Variants in TBC1D4 observed in about 807,000 individuals in gnomAD.
TBC1D4 encodes the protein TBC1 domain family member 4.
A neutral mutation model predicts 142.5 loss-of-function variants in TBC1D4; 121 were observed. That is an observed-to-expected ratio of 0.85 (90% confidence interval 0.73 to 0.99). TBC1D4 has a LOEUF of 0.99. Ranked by LOEUF, TBC1D4 falls within the 50% of genes least tolerant of loss-of-function variation. TBC1D4 has a pLI of 0.00. For synonymous variants in TBC1D4, 630 were observed against 628.2 expected (o/e 1.00, Z -0.04); for missense variants, 1,475 against 1,606.6 (o/e 0.92, Z 1.40).
rs148652812 is a variant in TBC1D4, at chr13:75,303,963, C to T, written c.2753-1562G>A. Among the ~76,000 whole-genome samples, 257 of 152,318 alleles carry T rather than the reference C, an allele frequency of 1.7e-3. 1 individual carries two copies. The highest frequency in any genetic ancestry group is 5.9e-3 in the African/African-American group (246 of 41,556). ...CCTTTTCTTTTGAAGCTCTCCCTAA[C>T]ATCTCGAGATGTAATCAGTCCCTTT... On this transcript the variant is annotated intron_variant, in intron 15 of 20. Transcript: ENST00000377636.
chr13:75,385,060 T>C lies in TBC1D4; in HGVS notation c.499-22453A>G, dbSNP rs909047798. Among the ~76,000 whole-genome samples, 3 of 152,126 alleles carry C rather than the reference T, an allele frequency of 2.0e-5. No individual in the cohort carries two copies. The East Asian group carries it at 5.8e-4, about 29-fold the overall frequency. Reference sequence around the variant, plus strand: ...AGGAGGAACAAAGAGGAACAAAGCATAGACTGCTCACTGCTCAGCAGCCTG... The same window carrying C: ...AGGAGGAACAAAGAGGAACAAAGCACAGACTGCTCACTGCTCAGCAGCCTG... On this transcript the variant is annotated intron_variant, in intron 1 of 20. Transcript: ENST00000377636.
chr13:75,479,905 G>T (rs1888761845), intron 1 of TBC1D4, among the ~76,000 whole-genome samples: 1 of 152,100 alleles, frequency 6.6e-6, no homozygotes, highest in East Asian at 1.9e-4. Flanking sequence ...ATTGTTGGGT[G>T]CCTGTAATGC....
intron 1 of TBC1D4, among the ~76,000 whole-genome samples, chr13:75,368,189 G>T (rs1363412209): frequency 6.6e-6 from 1 of 152,152 alleles, no homozygotes; most frequent in East Asian, 1.9e-4. Flanking sequence ...GAAAATGATA[G>T]AACTGTAAAA....
intron 1 of TBC1D4, among the ~76,000 whole-genome samples, chr13:75,391,195 TAC>T (rs111629817): frequency 0.027 from 3,869 of 141,980 alleles, 123 homozygotes; most frequent in African/African-American, 0.074. Flanking sequence ...CCCATCAGTT[TAC>T]ACACACACAC....
At chr13:75,337,404 C>T (rs1308482059) in intron 7 of TBC1D4, among the ~76,000 whole-genome samples, 4 of 152,050 alleles carry the variant, frequency 2.6e-5, no homozygotes, top group African/African-American at 9.7e-5. Flanking sequence ...TCCAAATTAC[C>T]AAGAAAAACA....
intron 1 of TBC1D4, among the ~76,000 whole-genome samples, chr13:75,474,430 G>A (rs968860040): frequency 9.2e-5 from 14 of 152,088 alleles, no homozygotes; most frequent in African/African-American, 2.9e-4. Context: ...GTGGTGGCGG[G>A]TGCCTGTAGT....
intron 12 of TBC1D4, among the ~76,000 whole-genome samples, chr13:75,317,577 C>A (rs1021968676): frequency 6.6e-6 from 1 of 152,144 alleles, no homozygotes; most frequent in African/African-American, 2.4e-5. Flanking sequence ...CAAGTTATAA[C>A]CATTCCCTTA....
At chr13:75,356,095 T>C (rs1882021198) in intron 4 of TBC1D4, 52 bp downstream of exon 4, 1 of 1,390,074 alleles carries the variant, frequency 7.2e-7, no homozygotes, top group Non-Finnish European at 1.0e-6. Flanking sequence ...ACAAGTCTTC[T>C]GTTCGACAGA....
At chr13:75,327,939 TG>T (rs1224929172) in intron 8 of TBC1D4, 113 bp from the exon 9 acceptor site, 10 of 1,082,708 alleles carry the variant, frequency 9.2e-6, no homozygotes. Flanking sequence ...GATCATTTTG[TG>T]GTTCACTTAA....
At chr13:75,443,256 T>G (rs1254010190) in intron 1 of TBC1D4, among the ~76,000 whole-genome samples, 4 of 152,188 alleles carry the variant, frequency 2.6e-5, no homozygotes, top group Non-Finnish European at 5.9e-5. Flanking sequence ...ACAGAGTTTC[T>G]AAAGGAACAT....
chr13:75,319,068 A>G (rs1363583638), intron 12 of TBC1D4, among the ~76,000 whole-genome samples: 1 of 152,226 alleles, frequency 6.6e-6, no homozygotes, highest in African/African-American at 2.4e-5. Flanking sequence ...TAACATTTCC[A>G]TTAGGCTTTT....
In TBC1D4 at chr13:75,286,650, C is replaced by A; in HGVS notation, c.*142G>T. ...TGGCATGCTCTGATGAGCACGAGGT[C>A]CACCTGCTGTGACTAGGCGCTCAGC... On this transcript the variant is annotated 3_prime_UTR_variant, in exon 21 of 21. Transcript: ENST00000377636. 1 of 819,472 alleles carries A rather than the reference C, an allele frequency of 1.2e-6. No individual in the cohort carries two copies. Among genetic ancestry groups the A allele is most frequent in the African/African-American group, 1.7e-5 (1 of 58,408 alleles). The allele number at this position is 819,472 out of a possible 1,614,324, so 50.8% of individuals were successfully genotyped here. A position where few individuals can be genotyped will look rare whatever the true frequency, so the allele number is the denominator to read the frequency against.
rs1880657400 is a variant in TBC1D4, at chr13:75,341,118, T to G, written c.1611+7A>C. The G allele has an allele frequency of 1.2e-6, 2 of 1,606,466 alleles. No individual in the cohort carries two copies. Among genetic ancestry groups the G allele is most frequent in the Non-Finnish European group, 1.7e-6 (2 of 1,174,280 alleles). On this transcript the variant is annotated splice_region_variant and intron_variant, in intron 7 of 20. Coordinates refer to ENST00000377636, the MANE Select transcript of TBC1D4 (RefSeq NM_014832.5). ...AAAAGTAGGTGAAGTAGGAAATATC[T>G]TCTCACAGAAGGGCCTTCCCCGATG...
At position 75,341,567 on chromosome 13, in the gene TBC1D4, T is replaced by C. The variant is rs757235535; in HGVS notation, c.1429A>G (p.Lys477Glu). 3 of 1,614,000 alleles carry C rather than the reference T, an allele frequency of 1.9e-6. No homozygotes were observed. The highest frequency in any genetic ancestry group is 2.5e-6 in the Non-Finnish European group (3 of 1,180,032). ...GAGAGATGCCTCTGTATCACCAGCT[T>C]GGCTCTTGGTGGGTAGAGACCTAAG... is the stretch of plus-strand genomic sequence containing the variant. ...RIEGLYPPRAKLVIQRHLSSL... is the reference protein window; with the variant it reads ...RIEGLYPPRAELVIQRHLSSL... The change falls in exon 6 of 21, where the codon AAG becomes GAG. Residue 477 changes from lysine to glutamate, a missense_variant. Lys to Glu is a moderately conservative substitution (Grantham distance 56). This residue lies in a region of TBC1D4 where 1,227 missense variants were observed against 1,267.7 expected (regional missense o/e 0.97). Transcript: ENST00000377636.
chr13:75,464,680 T>C (rs1888099608), intron 1 of TBC1D4, among the ~76,000 whole-genome samples: 1 of 152,216 alleles, frequency 6.6e-6, no homozygotes, highest in Non-Finnish European at 1.5e-5. Flanking sequence ...TCTCGGCACC[T>C]GGCAAATGCC....
intron 1 of TBC1D4, among the ~76,000 whole-genome samples, chr13:75,418,960 A>C (rs1886041142): frequency 6.6e-6 from 1 of 152,138 alleles, no homozygotes; most frequent in South Asian, 2.1e-4. Context: ...AGGGACCAAA[A>C]ACCACATGTG....
At chr13:75,435,761 T>C (rs534251075) in intron 1 of TBC1D4, among the ~76,000 whole-genome samples, 1 of 152,178 alleles carries the variant, frequency 6.6e-6, no homozygotes, top group South Asian at 2.1e-4. Context: ...ATAAAATAAG[T>C]CTGAAATCCA....
intron 10 of TBC1D4, among the ~76,000 whole-genome samples, chr13:75,325,080 T>C (rs1879112936): frequency 1.3e-5 from 2 of 152,214 alleles, no homozygotes; most frequent in African/African-American, 2.4e-5. Flanking sequence ...TTGAGATATT[T>C]ATAGTCTAAA....
At chr13:75,390,074 G>A (rs1032757798) in intron 1 of TBC1D4, among the ~76,000 whole-genome samples, 4 of 151,900 alleles carry the variant, frequency 2.6e-5, no homozygotes, top group African/African-American at 7.3e-5. Flanking sequence ...TCAGGAGTTC[G>A]AGACCAGCCT....
Sources: gnomAD v4.1 joint callset for allele counts (sites outside exome capture counted in the v4.1 genomes callset) on GRCh38, gnomAD v4.1.1 for gene constraint, gnomAD v4.1.1 regional missense constraint, MANE v1.5 for transcripts, NCBI Gene and HGNC (gene_info 2026-07-23, HGNC 2026-07-21) for gene names.